EFR3A: variants seen among roughly 807,000 people sequenced by gnomAD.
The protein encoded by EFR3A is protein EFR3 homolog A.
Under a neutral mutation model 104.4 loss-of-function variants are expected in EFR3A, and 76 were observed. The observed-to-expected ratio is 0.73, with a 90% CI of 0.60 to 0.88. The LOEUF is 0.88. EFR3A is among the 40% of genes least tolerant of loss of function. EFR3A has a pLI of 0.00. For synonymous variants in EFR3A, 330 were observed against 330.0 expected, an observed-to-expected ratio of 1.00 and a Z score of 0.00; for missense variants, 985 against 1,012.5, an observed-to-expected ratio of 0.97 and a Z score of 0.37.
Position 132,012,519 on chromosome 8 carries a change from C to G in EFR3A, c.*1624C>G, listed in dbSNP as rs1052992991. ...GGAGGACTAAAGGGCCCTGTGGCAG[C>G]TGTCACTGGAACTTTGCCTCTTGAT... On this transcript the variant is annotated 3_prime_UTR_variant, in exon 23 of 23. Transcript: ENST00000254624. The G allele has an allele frequency of 2.0e-5, 3 of 152,600 alleles. No homozygotes were observed. The highest frequency in any genetic ancestry group is 4.4e-5 in the Non-Finnish European group (3 of 68,036). The allele number at this position is 152,600 out of a possible 1,614,324, so 9.5% of individuals were successfully genotyped here.
intron 1 of EFR3A, among the ~76,000 whole-genome samples, chr8:131,926,114 A>G (rs1201991631): frequency 1.3e-5 from 2 of 152,176 alleles, no homozygotes; most frequent in African/African-American, 4.8e-5. Flanking sequence ...GATAAAAAAA[A>G]GACTAGAAGA....
intron 22 of EFR3A, among the ~76,000 whole-genome samples, chr8:132,005,336 G>C (rs935339944): frequency 1.3e-5 from 2 of 151,838 alleles, no homozygotes; most frequent in Non-Finnish European, 2.9e-5. Flanking sequence ...GAAAGAGTTT[G>C]TATCCTCCAT....
At chr8:131,942,818 T>G (rs1245392004) in intron 2 of EFR3A, among the ~76,000 whole-genome samples, 1 of 152,050 alleles carries the variant, frequency 6.6e-6, no homozygotes, top group Non-Finnish European at 1.5e-5. Context: ...CCAGGTGAAC[T>G]GGAGAAGGGT....
At chr8:131,960,667 AAAAC>A (rs1441966474) in intron 8 of EFR3A, among the ~76,000 whole-genome samples, 8 of 152,310 alleles carry the variant, frequency 5.3e-5, no homozygotes, top group Admixed American at 3.9e-4. Flanking sequence ...CTCTCTCCAT[AAAAC>A]AAACAAACTG....
At chr8:132,009,971 G>A (rs147874127) in intron 22 of EFR3A, among the ~76,000 whole-genome samples, 1 of 152,096 alleles carries the variant, frequency 6.6e-6, no homozygotes, top group African/African-American at 2.4e-5. Context: ...AAAAATATCT[G>A]AGTAGGATTA....
chr8:131,933,930 T>C (rs1264878846), intron 1 of EFR3A, among the ~76,000 whole-genome samples: 3 of 152,060 alleles, frequency 2.0e-5, no homozygotes, highest in African/African-American at 7.2e-5. Context: ...AAAACAGAAT[T>C]GGAGCTTTAA....
intron 6 of EFR3A, 90 bp downstream of exon 6, chr8:131,954,057 CT>C: frequency 2.4e-6 from 3 of 1,255,460 alleles, no homozygotes; most frequent in Non-Finnish European, 3.2e-6. Context: ...GTCTTTAGTA[CT>C]CTGTAAACAG....
intron 19 of EFR3A, among the ~76,000 whole-genome samples, chr8:131,999,580 CTA>C (rs35398271): frequency 0.33 from 50,868 of 151,924 alleles, 8,895 homozygotes; most frequent in East Asian, 0.61. Context: ...AGTTTTCCCT[CTA>C]TAGAGTTGGA....
At chr8:131,956,876 T>C (rs900684505) in intron 7 of EFR3A, among the ~76,000 whole-genome samples, 1 of 152,150 alleles carries the variant, frequency 6.6e-6, no homozygotes. Flanking sequence ...ACACCAAATA[T>C]ACTAAAGGCA....
At chr8:131,984,435 A>G (rs945865263) in intron 15 of EFR3A, 135 bp downstream of exon 15, 15 of 808,600 alleles carry the variant, frequency 1.9e-5, no homozygotes, top group African/African-American at 1.4e-4. Flanking sequence ...ACTCAAGACT[A>G]TGACTACATT....
intron 1 of EFR3A, 35 bp from the exon 2 acceptor site, chr8:131,940,458 TTAATAA>T (rs1818107758): frequency 6.5e-7 from 1 of 1,532,176 alleles, no homozygotes; most frequent in Admixed American, 2.0e-5. Flanking sequence ...GTTTACAATA[TTAATAA>T]TATCTGTATT....
Position 131,976,059 on chromosome 8 carries a change from A to T in EFR3A, c.1192A>T (p.Arg398Trp). The T allele has an allele frequency of 6.2e-7, 1 of 1,606,480 alleles. No homozygotes were observed. The highest frequency in any genetic ancestry group is 1.1e-5 in the South Asian group (1 of 89,180). ...FFGSNLPDYQRSEIMMFIMGK... is the reference protein window; with the variant it reads ...FFGSNLPDYQWSEIMMFIMGK... ...TGGAAGTAACCTACCAGATTATCAG[A>T]GGTCAGAAATCATGATGTTCATTAT... The change falls in exon 11 of 23, where the codon AGG becomes TGG. Residue 398 changes from arginine to tryptophan, a missense_variant. Arg to Trp is a moderately radical substitution (Grantham distance 101, BLOSUM62 -3). Coordinates refer to ENST00000254624, the MANE Select transcript of EFR3A (RefSeq NM_015137.6).
chr8:131,975,331 C>G (rs906082037), intron 10 of EFR3A, among the ~76,000 whole-genome samples: 7 of 148,990 alleles, frequency 4.7e-5, no homozygotes, highest in African/African-American at 7.4e-5. Flanking sequence ...ATTACCGGAA[C>G]AAAAATTTAG....
intron 2 of EFR3A, among the ~76,000 whole-genome samples, chr8:131,941,014 A>T (rs1818146353): frequency 6.6e-6 from 1 of 152,088 alleles, no homozygotes; most frequent in Non-Finnish European, 1.5e-5. Flanking sequence ...TACTAGACAA[A>T]TGAAGTATGG....
At chr8:132,007,370 G>A (rs949085101) in intron 22 of EFR3A, among the ~76,000 whole-genome samples, 3 of 151,606 alleles carry the variant, frequency 2.0e-5, no homozygotes, top group Non-Finnish European at 4.4e-5. Flanking sequence ...ACAAACAATT[G>A]CAAGAGTAAA....
intron 2 of EFR3A, 115 bp from the exon 3 acceptor site, chr8:131,944,630 A>G (rs911008446): frequency 9.6e-7 from 1 of 1,037,958 alleles, no homozygotes; most frequent in African/African-American, 1.6e-5. Context: ...GAAGGGTTCT[A>G]CATAAATATC....
At chr8:131,965,232 A>C (rs547925350) in intron 8 of EFR3A, among the ~76,000 whole-genome samples, 3 of 152,208 alleles carry the variant, frequency 2.0e-5, no homozygotes, top group African/African-American at 7.2e-5. Flanking sequence ...TAATTAAACT[A>C]AAGAGCTTCT....
chr8:131,954,299 C>T (rs1244242343), intron 6 of EFR3A, among the ~76,000 whole-genome samples: 3 of 151,908 alleles, frequency 2.0e-5, no homozygotes, highest in Admixed American at 6.6e-5. Context: ...GAAATTATAG[C>T]TCTACTTTTG....
rs1248255605 is a variant in EFR3A, at chr8:132,012,857, T to C, written c.*1962T>C. 17 of 152,314 alleles carry C rather than the reference T, an allele frequency of 1.1e-4. No homozygotes were observed. Among genetic ancestry groups the C allele is most frequent in the Admixed American group, 1.1e-3 (17 of 15,286 alleles). The allele number at this position is 152,314 out of a possible 1,614,324, so 9.4% of individuals were successfully genotyped here. ...TTTCTTAGTGATTTTAAAATGCATG[T>C]ATTGCATGTAAAGGAAAACCATTAC... is the stretch of plus-strand genomic sequence containing the variant. On this transcript the variant is annotated 3_prime_UTR_variant, in exon 23 of 23. Coordinates refer to ENST00000254624, the MANE Select transcript of EFR3A (RefSeq NM_015137.6).
Sources: allele counts gnomAD v4.1 joint callset (sites outside exome capture counted in the v4.1 genomes callset), GRCh38; gene constraint gnomAD v4.1.1; transcripts MANE v1.5; gene names NCBI Gene and HGNC (gene_info 2026-07-23, HGNC 2026-07-21).